The following ALG12 variants were observed in gnomAD, a reference collection of about 807,000 sequenced individuals.
ALG12 encodes the protein dol-P-Man:Man(7)GlcNAc(2)-PP-Dol alpha-1,6-mannosyltransferase.
A neutral mutation model predicts 46.0 loss-of-function variants in ALG12; 36 were observed. The ratio of observed to expected loss-of-function variants is 0.78; its 90% CI spans 0.60 to 1.03. The LOEUF (loss-of-function observed/expected upper bound fraction) is 1.03, where lower values mean the gene tolerates loss of function less well. ALG12 is among the 50% of genes least tolerant of loss of function. The pLI, the probability that ALG12 is intolerant of heterozygous loss-of-function variation, is 0.00. For missense variants in ALG12, 599 were observed against 633.5 expected (o/e 0.95, Z 0.58); for synonymous variants, 326 against 291.6 (o/e 1.12, Z -1.20).
intron 3 of ALG12, among the ~76,000 whole-genome samples, chr22:49,912,372 C>A (rs1042241713): frequency 2.4e-4 from 36 of 152,346 alleles, no homozygotes; most frequent in African/African-American, 8.7e-4. Flanking sequence ...TGCTGCCAAC[C>A]CTGGAATAAG....
At chr22:49,884,633 C>G in the ALG12 span, 1 of 1,612,624 alleles carries the variant, frequency 6.2e-7, no homozygotes, top group Non-Finnish European at 8.5e-7. Context: ...GACCTGGGCA[C>G]GAGCTGCCTC....
chr22:49,884,700 G>A, the ALG12 span: 53 of 1,598,764 alleles, frequency 3.3e-5, no homozygotes, highest in African/African-American at 2.5e-4. Flanking sequence ...ACGGGGGCAC[G>A]GGCATCCCGC....
chr22:49,909,718 G>A (rs769781661), intron 5 of ALG12, among the ~76,000 whole-genome samples, 176 bp downstream of exon 5: 20 of 152,334 alleles, frequency 1.3e-4, no homozygotes, highest in East Asian at 1.9e-4. Context: ...TAAGGCGCAC[G>A]GTGGGTCCCC....
chr22:49,915,766 G>C (rs1342370725), intron 1 of ALG12, among the ~76,000 whole-genome samples: 4 of 152,156 alleles, frequency 2.6e-5, no homozygotes, highest in Non-Finnish European at 5.9e-5. Context: ...ACCAAGGACA[G>C]AGGCCAGCCG....
At chr22:49,875,793 T>C in the ALG12 span, among the ~76,000 whole-genome samples, 5 of 152,182 alleles carry the variant, frequency 3.3e-5, no homozygotes, top group African/African-American at 1.2e-4. Context: ...TCCTTTTATA[T>C]ATGTAGGATC....
intron 6 of ALG12, among the ~76,000 whole-genome samples, chr22:49,908,523 T>C (rs2060556736): frequency 1.0e-5 from 1 of 96,088 alleles, no homozygotes; most frequent in African/African-American, 5.5e-5. Flanking sequence ...TGAGACTCTG[T>C]CTCAAAAAAA....
the ALG12 span, among the ~76,000 whole-genome samples, chr22:49,892,187 CAAAAAAAAA>C: frequency 1.3e-4 from 7 of 55,330 alleles, no homozygotes; most frequent in South Asian, 8.3e-4. Flanking sequence ...GACTCTGTCT[CAAAAAAAAA>C]AAAAAAAAAA....
chr22:49,912,611 CCA>C (rs1488107027), intron 3 of ALG12, among the ~76,000 whole-genome samples: 1 of 152,214 alleles, frequency 6.6e-6, no homozygotes, highest in African/African-American at 2.4e-5. Context: ...TTAAAGCTCT[CCA>C]CACAAGCTGG....
Position 49,913,628 on chromosome 22 carries a change from G to C in ALG12, c.138C>G (p.Leu46=). The C allele has an allele frequency of 1.2e-6, 2 of 1,614,148 alleles. No homozygotes were observed. Among genetic ancestry groups the C allele is most frequent in the South Asian group, 2.2e-5 (2 of 91,082 alleles). The stretch of plus-strand genomic sequence containing the variant: ...CCTGCTCCAGGTCTTGCCAGTGGTA[G>C]AGCAGGTCATGTGTGGCCTGCAGGT... The part of the protein sequence containing the change: ...SFNLQATHDL[L]YHWQDLEQYD... Residue 46 remains leucine, a synonymous_variant, in exon 2 of 10, where the codon CTC becomes CTG. Coordinates refer to ENST00000330817, the MANE Select transcript of ALG12 (RefSeq NM_024105.4).
At chr22:49,861,334 G>A in the ALG12 span, among the ~76,000 whole-genome samples, 3 of 152,160 alleles carry the variant, frequency 2.0e-5, no homozygotes, top group Non-Finnish European at 4.4e-5. Context: ...TAGAGATGGG[G>A]TTTCACTGTG....
At chr22:49,899,523 C>T (rs564070873), downstream of ALG12, among the ~76,000 whole-genome samples, 7 of 151,864 alleles carry the variant, frequency 4.6e-5, no homozygotes, top group Admixed American at 6.6e-5. Flanking sequence ...CACCACTCAC[C>T]CCTCAGACTG....
rs1379004882 is a variant in ALG12, at chr22:49,901,488, T to C, written c.*2350A>G. 6.6e-6 allele frequency: 1 copy of C among 152,216 alleles called. No homozygotes were observed. The highest frequency in any genetic ancestry group is 1.5e-5 in the Non-Finnish European group (1 of 68,108). 9.4% of individuals were successfully genotyped at this position (152,216 alleles called of 1,614,324 possible). ...GGTATGTATGCATGGTGTGTGCACG[T>C]GTGCATTGTGTGCATGATTGCATTG... On this transcript the variant is annotated 3_prime_UTR_variant, in exon 10 of 10. Coordinates refer to ENST00000330817, the MANE Select transcript of ALG12 (RefSeq NM_024105.4).
the ALG12 span, chr22:49,885,249 C>T: frequency 6.2e-7 from 1 of 1,605,572 alleles, no homozygotes; most frequent in Non-Finnish European, 8.5e-7. Flanking sequence ...CCACTTTGGC[C>T]TCTGCAGAAA....
In ALG12 at chr22:49,910,595, A is replaced by AGCACTCCTC. The variant is rs1447364971; in HGVS notation, c.299_307dup (p.Arg100_Val102dup). 3 of 1,614,026 alleles carry AGCACTCCTC rather than the reference A, an allele frequency of 1.9e-6. No homozygotes were observed. Among genetic ancestry groups the AGCACTCCTC allele is most frequent in the Non-Finnish European group, 2.5e-6 (3 of 1,180,050 alleles). ...GAGTCCAAAAATCACGCCGAGTCCA[A>AGCACTCCTC]GCACTCCTCTAACTAAACAAAGACA... On this transcript the variant is annotated inframe_insertion, in exon 4 of 10. Coordinates refer to ENST00000330817, the MANE Select transcript of ALG12 (RefSeq NM_024105.4).
chr22:49,886,912 A>G, the ALG12 span: 1 of 1,614,186 alleles, frequency 6.2e-7, no homozygotes, highest in African/African-American at 1.3e-5. This position sits in a 1 kb window ranked among gnomAD's most constrained non-coding sequence, Gnocchi z 7.7. Flanking sequence ...GCCTGAAGCC[A>G]TGGTGCTTGC....
the ALG12 span, among the ~76,000 whole-genome samples, chr22:49,877,576 A>G: frequency 6.6e-6 from 1 of 152,116 alleles, no homozygotes; most frequent in Non-Finnish European, 1.5e-5. Context: ...TACAGGTGTG[A>G]GCCACCACGC....
the ALG12 span, among the ~76,000 whole-genome samples, chr22:49,881,376 C>A: frequency 2.6e-5 from 4 of 152,220 alleles, no homozygotes; most frequent in East Asian, 1.9e-4. Context: ...TTTTCTAATT[C>A]ATCTGTAGAA....
downstream of ALG12, among the ~76,000 whole-genome samples, chr22:49,897,663 C>CTTTTTTTTTT (rs146468551): frequency 1.9e-4 from 20 of 103,654 alleles, no homozygotes; most frequent in South Asian, 6.6e-4. Flanking sequence ...CCCATGTTTT[C>CTTTTTTTTTT]TTTTTTTTTT....
chr22:49,866,675 G>C, the ALG12 span, among the ~76,000 whole-genome samples: 1 of 152,130 alleles, frequency 6.6e-6, no homozygotes, highest in Non-Finnish European at 1.5e-5. Flanking sequence ...TTCGTTATCT[G>C]CAGTGATGTT....
Sources: allele counts gnomAD v4.1 joint callset (sites outside exome capture counted in the v4.1 genomes callset), GRCh38; gene constraint gnomAD v4.1.1; non-coding constraint Gnocchi (gnomAD v3.1); transcripts MANE v1.5; gene names NCBI Gene and HGNC (gene_info 2026-07-23, HGNC 2026-07-21).